Variants in SNX7 observed in about 807,000 individuals in gnomAD.
SNX7 encodes sorting nexin-7.
A neutral mutation model predicts 48.4 loss-of-function variants in SNX7; 35 were observed. That is an observed-to-expected ratio of 0.72 (90% CI 0.55 to 0.96). SNX7 has a LOEUF of 0.96. Among genes scored for constraint, SNX7 ranks in the 40% least tolerant of loss-of-function variants. The pLI is 0.00. For synonymous variants in SNX7, 190 were observed against 190.2 expected (o/e 1.00, Z 0.01); for missense variants, 553 against 548.9 (o/e 1.01, Z -0.07).
At chr1:98,662,882 A>G in intron 1 of SNX7, 1 of 1,269,466 alleles carries the variant, frequency 7.9e-7, no homozygotes, top group Non-Finnish European at 1.0e-6. Context: ...TTAGGAAGTG[A>G]CCATGCATAC....
chr1:98,681,636 A>T (rs1191874467), intron 1 of SNX7, among the ~76,000 whole-genome samples: 1 of 152,240 alleles, frequency 6.6e-6, no homozygotes, highest in African/African-American at 2.4e-5. Flanking sequence ...ATACCATAAT[A>T]GAAAGTGAAA....
chr1:98,672,930 CAAAAAAAAAAAA>C (rs57705068), intron 1 of SNX7, among the ~76,000 whole-genome samples: 4 of 88,528 alleles, frequency 4.5e-5, no homozygotes, highest in African/African-American at 1.8e-4. Flanking sequence ...GACTCCGTCT[CAAAAAAAAAAAA>C]AAAAAAAAAA....
intron 1 of SNX7, among the ~76,000 whole-genome samples, chr1:98,667,336 A>G (rs1441936130): frequency 6.6e-6 from 1 of 152,210 alleles, no homozygotes; most frequent in Admixed American, 6.5e-5. Flanking sequence ...GTAAGTAAAA[A>G]TACCATTAAG....
At chr1:98,705,827 T>G (rs1248033095) in intron 7 of SNX7, among the ~76,000 whole-genome samples, 1 of 152,110 alleles carries the variant, frequency 6.6e-6, no homozygotes, top group Admixed American at 6.6e-5. Context: ...AGTGGGAACC[T>G]GAACTGAAGA....
At chr1:98,735,553 A>C (rs1653730820) in intron 7 of SNX7, among the ~76,000 whole-genome samples, 1 of 152,128 alleles carries the variant, frequency 6.6e-6, no homozygotes, top group South Asian at 2.1e-4. Flanking sequence ...CCTAGACACT[A>C]GTAGAAGAAT....
chr1:98,691,317 T>C (rs1027737409), intron 3 of SNX7, 132 bp downstream of exon 3: 3 of 587,766 alleles, frequency 5.1e-6, no homozygotes, highest in African/African-American at 3.9e-5. Context: ...TATTTATTTC[T>C]AAGTGTTTCA....
At position 98,685,037 on chromosome 1, in the gene SNX7, A is replaced by C; in HGVS notation, c.333A>C (p.Glu111Asp). ...DEPESHVTTI[E>D]TFITYRIITK... is the part of the protein sequence containing the mutation. ...CTGAAAGTCATGTTACTACAATAGA[A>C]ACTTTCATTACGTATAGGATTATTA... Residue 111 changes from glutamate (E) to aspartate (D), a missense_variant, in exon 2 of 9, where the codon GAA becomes GAC. Physicochemically the swap from Glu to Asp is conservative, Grantham distance 45. Coordinates refer to ENST00000306121, the MANE Select transcript of SNX7 (RefSeq NM_015976.5). 1.3e-6 allele frequency: 2 copies of C among 1,567,470 alleles called. No individual in the cohort carries two copies. The highest frequency in any genetic ancestry group is 1.7e-6 in the Non-Finnish European group (2 of 1,153,368).
intron 8 of SNX7, among the ~76,000 whole-genome samples, chr1:98,748,086 C>T (rs1654394420): frequency 6.6e-6 from 1 of 150,940 alleles, no homozygotes; most frequent in African/African-American, 2.4e-5. Context: ...AAGCGATTCT[C>T]CTGCCTCAGC....
chr1:98,704,727 C>A (rs1651928572), intron 7 of SNX7, among the ~76,000 whole-genome samples: 1 of 152,076 alleles, frequency 6.6e-6, no homozygotes, highest in Non-Finnish European at 1.5e-5. Flanking sequence ...TCAGACAGGG[C>A]CATTTTGGAG....
At chr1:98,690,411 A>G (rs1292124327) in intron 2 of SNX7, among the ~76,000 whole-genome samples, 1 of 152,070 alleles carries the variant, frequency 6.6e-6, no homozygotes, top group Non-Finnish European at 1.5e-5. Context: ...TTGAGAACAG[A>G]TATTTTAATG....
intron 6 of SNX7, among the ~76,000 whole-genome samples, chr1:98,700,882 G>A (rs963194486): frequency 1.3e-5 from 2 of 151,992 alleles, no homozygotes; most frequent in Non-Finnish European, 2.9e-5. Context: ...AACACCAGAA[G>A]GCCCTTCTCT....
chr1:98,672,816 C>T lies in SNX7; in HGVS notation c.180+10905C>T, dbSNP rs1046593859. 7.5e-4 allele frequency among the ~76,000 whole-genome samples: 109 copies of T among 144,962 alleles called. 1 individual carries two copies. The highest frequency in any genetic ancestry group is 4.7e-3 in the Admixed American group (66 of 14,182). ...GCGGGCGCCTGTAGTCCCAGCTACT[C>T]GGGAGGCTGAGGCAGGAGAATGGCG... On this transcript the variant is annotated intron_variant, in intron 1 of 8. Coordinates refer to ENST00000306121, the MANE Select transcript of SNX7 (RefSeq NM_015976.5).
intron 8 of SNX7, among the ~76,000 whole-genome samples, chr1:98,756,121 G>C (rs2101061330): frequency 6.6e-6 from 1 of 151,866 alleles, no homozygotes; most frequent in Admixed American, 6.6e-5. Context: ...GTTATTTTTA[G>C]GTTACTGTAT....
chr1:98,730,783 T>G (rs191942608), intron 7 of SNX7, among the ~76,000 whole-genome samples: 2 of 152,174 alleles, frequency 1.3e-5, no homozygotes, highest in East Asian at 3.9e-4. Context: ...CATTCCATAC[T>G]CATAGGTAGA....
At chr1:98,688,977 T>C (rs1650962762) in intron 2 of SNX7, among the ~76,000 whole-genome samples, 1 of 152,134 alleles carries the variant, frequency 6.6e-6, no homozygotes, top group Admixed American at 6.5e-5. Flanking sequence ...TGATCTTAGC[T>C]CACTGCAACC....
rs1652718922 is a variant in SNX7 at position 98,718,792 on chromosome 1, A to G, written c.1125+16889A>G. Among the ~76,000 whole-genome samples the G allele has an allele frequency of 2.6e-5, 4 of 152,066 alleles. No individual in the cohort carries two copies. The South Asian group carries it at 8.3e-4, about 31-fold the overall frequency. On this transcript the variant is annotated intron_variant, in intron 7 of 8. Transcript: ENST00000306121. ...ATACCAATATACATTCTGACTTTTT[A>G]ATTCGTGTGGTAATACACTCTAAAG...
intron 7 of SNX7, among the ~76,000 whole-genome samples, chr1:98,704,354 T>G (rs898079637): frequency 6.6e-6 from 1 of 152,174 alleles, no homozygotes; most frequent in Non-Finnish European, 1.5e-5. Context: ...ATTGCAGGTA[T>G]TTTTTTGTTT....
intron 8 of SNX7, among the ~76,000 whole-genome samples, chr1:98,756,955 G>A (rs1459237592): frequency 6.6e-6 from 1 of 152,108 alleles, no homozygotes; most frequent in Non-Finnish European, 1.5e-5. Context: ...GATCCCTTAT[G>A]TATGTCTTGG....
intron 6 of SNX7, among the ~76,000 whole-genome samples, chr1:98,700,581 G>A (rs1651692922): frequency 6.6e-6 from 1 of 150,648 alleles, no homozygotes; most frequent in African/African-American, 2.4e-5. Flanking sequence ...GTCTCACTCT[G>A]TTGCACAGGC....
Sources: gnomAD v4.1 joint callset for allele counts (sites outside exome capture counted in the v4.1 genomes callset) on GRCh38, gnomAD v4.1.1 for gene constraint, MANE v1.5 for transcripts, NCBI Gene and HGNC (gene_info 2026-07-23, HGNC 2026-07-21) for gene names.